The following KIF9 variants were observed in gnomAD, a reference collection of about 807,000 sequenced individuals.
KIF9 encodes the protein kinesin family member 9.
In KIF9, 68 loss-of-function variants were observed where a neutral mutation model predicts 94.8. That is an observed-to-expected ratio of 0.72 (90% CI 0.59 to 0.88). KIF9 has a LOEUF of 0.88. Among genes scored for constraint, KIF9 ranks in the 40% least tolerant of loss-of-function variants. The pLI, the probability that KIF9 is intolerant of heterozygous loss-of-function variation, is 0.00. For synonymous variants in KIF9, 343 were observed against 362.1 expected (o/e 0.95, Z 0.60); for missense variants, 882 against 982.5 (o/e 0.90, Z 1.37).
At chr3:47,262,681 G>A (rs1701057087) in intron 9 of KIF9, among the ~76,000 whole-genome samples, 2 of 152,084 alleles carry the variant, frequency 1.3e-5, no homozygotes, top group Admixed American at 6.5e-5. Context: ...CAAGTCCCAG[G>A]GTGCTGGATG....
intron 3 of KIF9, among the ~76,000 whole-genome samples, chr3:47,274,746 G>A (rs192255818): frequency 6.6e-6 from 1 of 152,284 alleles, no homozygotes; most frequent in South Asian, 2.1e-4. Flanking sequence ...AACCAAAAGA[G>A]AACCTCCTTA....
At chr3:47,272,213 A>C (rs1283744459) in intron 4 of KIF9, among the ~76,000 whole-genome samples, 1 of 152,106 alleles carries the variant, frequency 6.6e-6, no homozygotes, top group African/African-American at 2.4e-5. Flanking sequence ...TCAACTCCTA[A>C]TTCCCTCCCC....
intron 9 of KIF9, among the ~76,000 whole-genome samples, chr3:47,259,295 T>C (rs1559450603): frequency 6.6e-6 from 1 of 152,192 alleles, no homozygotes; most frequent in Non-Finnish European, 1.5e-5. Flanking sequence ...AGCACAGAGA[T>C]GGGCTCCTAC....
chr3:47,255,954 G>T (rs1466644617), intron 10 of KIF9, among the ~76,000 whole-genome samples: 1 of 152,254 alleles, frequency 6.6e-6, no homozygotes, highest in Non-Finnish European at 1.5e-5. Flanking sequence ...TGGAGACGGG[G>T]TTTCGCTGTG....
chr3:47,269,766 T>C (rs1234730156), intron 5 of KIF9, among the ~76,000 whole-genome samples: 1 of 132,074 alleles, frequency 7.6e-6, no homozygotes, highest in Non-Finnish European at 1.6e-5. Flanking sequence ...CACTCCCAGC[T>C]AATTTTTTTT....
chr3:47,273,588 G>A lies in KIF9; in HGVS notation c.330C>T (p.Tyr110=), dbSNP rs1010429219. The change falls in exon 4 of 21, where the codon TAC becomes TAT. Residue 110 remains tyrosine, a synonymous_variant. Coordinates refer to ENST00000684063, the MANE Select transcript of KIF9 (RefSeq NM_182902.4). ...CACGAGGGAGGATCCCCCGGTGCTT[G>A]TAATTCTCAGTTGCCCCCATCATGG... ...TYTMMGATEN[Y]KHRGILPRAL... The A allele has an allele frequency of 7.6e-5, 122 of 1,612,948 alleles. No individual in the cohort carries two copies. The highest frequency in any genetic ancestry group is 1.0e-4 in the Non-Finnish European group (120 of 1,179,410).
chr3:47,246,981 G>A (rs1205016003), intron 12 of KIF9, among the ~76,000 whole-genome samples: 2 of 152,174 alleles, frequency 1.3e-5, no homozygotes, highest in African/African-American at 4.8e-5. Context: ...CTACCTTGTA[G>A]ACAACCAGCA....
At chr3:47,245,801 TTC>T (rs1699887987) in intron 13 of KIF9, 1 of 507,220 alleles carries the variant, frequency 2.0e-6, no homozygotes, top group Non-Finnish European at 3.6e-6. Context: ...CCATGTGGGG[TTC>T]TGTCTTAGGT....
chr3:47,246,256 G>C lies in KIF9; in HGVS notation c.1234-4C>G, dbSNP rs750717906. Reference sequence around the variant, plus strand: ...TGATCTGTCTAAGGCTGATTATCTGGAGGGAAGACAGCAAGGCAGAGGTTA... The same window carrying C: ...TGATCTGTCTAAGGCTGATTATCTGCAGGGAAGACAGCAAGGCAGAGGTTA... On this transcript the variant is annotated splice_region_variant and splice_polypyrimidine_tract_variant and intron_variant, in intron 12 of 20. Coordinates refer to ENST00000684063, the MANE Select transcript of KIF9 (RefSeq NM_182902.4). The C allele has an allele frequency of 5.0e-6, 8 of 1,610,826 alleles. No homozygotes were observed. Among genetic ancestry groups the C allele is most frequent in the Non-Finnish European group, 6.8e-6 (8 of 1,178,288 alleles).
At position 47,255,959 on chromosome 3, in the gene KIF9, G is replaced by C. The variant is rs530551846; in HGVS notation, c.1059+1524C>G. ...ATTTTTTTGGTGGAGACGGGGTTTCGCTGTGTTGGCCGGGCTGGTCTCCAG... is the reference window on the plus strand; with the variant it reads ...ATTTTTTTGGTGGAGACGGGGTTTCCCTGTGTTGGCCGGGCTGGTCTCCAG... On this transcript the variant is annotated intron_variant, in intron 10 of 20. Coordinates refer to ENST00000684063, the MANE Select transcript of KIF9 (RefSeq NM_182902.4). 1.0e-4 allele frequency among the ~76,000 whole-genome samples: 15 copies of C among 149,752 alleles called. No individual in the cohort carries two copies. The East Asian group carries it at 2.4e-3, about 24-fold the overall frequency.
At chr3:47,239,675 C>T in intron 17 of KIF9, 1 of 1,135,434 alleles carries the variant, frequency 8.8e-7, no homozygotes, top group Non-Finnish European at 1.1e-6. Context: ...ACAACCTCTG[C>T]CTCCTGGGCT....
rs34978707 is a variant in KIF9 at position 47,272,119 on chromosome 3, AAAAT to A, written c.367-662_367-659del. ...TGGGTGACAGTGAGACTCCATCTAA[AAAAT>A]AAATAAATAAATAAATAAATAATTT... On this transcript the variant is annotated intron_variant, in intron 4 of 20. Coordinates refer to ENST00000684063, the MANE Select transcript of KIF9 (RefSeq NM_182902.4). 5.6e-3 allele frequency among the ~76,000 whole-genome samples: 854 copies of A among 152,070 alleles called. 8 individuals carry two copies. Among genetic ancestry groups the A allele is most frequent in the African/African-American group, 0.019 (798 of 41,472 alleles).
intron 9 of KIF9, among the ~76,000 whole-genome samples, chr3:47,262,426 C>T (rs187854562): frequency 1.6e-4 from 25 of 152,138 alleles, no homozygotes; most frequent in South Asian, 8.3e-4. Flanking sequence ...CCCGCCACCA[C>T]ACTCTGCTAA....
chr3:47,242,044 C>G (rs1036241486), intron 16 of KIF9, among the ~76,000 whole-genome samples: 7 of 151,576 alleles, frequency 4.6e-5, no homozygotes, highest in African/African-American at 7.3e-5. Flanking sequence ...CTCCCATGCT[C>G]AGCTCCCTTT....
At chr3:47,232,990 A>C (rs1446554717) in intron 20 of KIF9, among the ~76,000 whole-genome samples, 2 of 151,160 alleles carry the variant, frequency 1.3e-5, no homozygotes, top group Admixed American at 1.3e-4. Context: ...CAAAAAAAAA[A>C]AAAAAACAAA....
chr3:47,282,571 T>G lies in KIF9; in HGVS notation c.-82A>C, dbSNP rs1368120373. On this transcript the variant is annotated 5_prime_UTR_variant, in exon 1 of 21. Coordinates refer to ENST00000684063, the MANE Select transcript of KIF9 (RefSeq NM_182902.4). ...CCTGCACTCCCCACGCGGGGCTGCC[T>G]GGCTGTGTACATAGTCGCCATGGCA... The G allele has an allele frequency of 7.6e-5, 79 of 1,037,756 alleles. No individual in the cohort carries two copies. The highest frequency in any genetic ancestry group is 1.6e-4 in the South Asian group (5 of 30,450). The allele number at this position is 1,037,756 out of a possible 1,614,324, so 64.3% of individuals were successfully genotyped here.
chr3:47,260,507 G>A (rs1041773780), intron 9 of KIF9, among the ~76,000 whole-genome samples: 1 of 152,210 alleles, frequency 6.6e-6, no homozygotes, highest in Non-Finnish European at 1.5e-5. Flanking sequence ...CTACAGGTAA[G>A]CTCATGCCAA....
At position 47,282,703 on chromosome 3, in the gene KIF9, G is replaced by T. The variant is rs1189847329; in HGVS notation, c.-214C>A. The T allele has an allele frequency of 7.3e-7, 1 of 1,372,836 alleles. No homozygotes were observed. The highest frequency in any genetic ancestry group is 9.4e-7 in the Non-Finnish European group (1 of 1,059,220). The allele number at this position is 1,372,836 out of a possible 1,614,324, so 85.0% of individuals were successfully genotyped here. ...TCATGGCCGAATCGGGAAGACGAGAGATGGGGCCGATTGATCTAGAAAGAC... is the reference window on the plus strand; with the variant it reads ...TCATGGCCGAATCGGGAAGACGAGATATGGGGCCGATTGATCTAGAAAGAC... On this transcript the variant is annotated 5_prime_UTR_variant, in exon 1 of 21. Transcript: ENST00000684063.
intron 3 of KIF9, among the ~76,000 whole-genome samples, chr3:47,274,371 T>C (rs1041791800): frequency 2.0e-5 from 3 of 152,206 alleles, no homozygotes; most frequent in Admixed American, 1.3e-4. Flanking sequence ...CCGGCTCCTA[T>C]CTGTTCTTCC....
Sources: allele counts gnomAD v4.1 joint callset (sites outside exome capture counted in the v4.1 genomes callset), GRCh38; gene constraint gnomAD v4.1.1; transcripts MANE v1.5; gene names NCBI Gene and HGNC (gene_info 2026-07-23, HGNC 2026-07-21).